RSRC1: variants seen among roughly 807,000 people sequenced by gnomAD.
RSRC1 encodes the protein arginine and serine rich coiled-coil 1.
In RSRC1, 39 loss-of-function variants were observed where a neutral mutation model predicts 49.1. The observed-to-expected ratio is 0.79, with a 90% CI of 0.61 to 1.04. The LOEUF (loss-of-function observed/expected upper bound fraction) is 1.04. Among genes scored for constraint, RSRC1 ranks in the 50% least tolerant of loss-of-function variants. The pLI is 0.00. For synonymous variants in RSRC1, 143 were observed against 130.8 expected, an observed-to-expected ratio of 1.09 and a Z score of -0.63; for missense variants, 388 against 402.4, an observed-to-expected ratio of 0.96 and a Z score of 0.31.
chr3:158,296,030 T>A (rs745433418), intron 4 of RSRC1, among the ~76,000 whole-genome samples: 4 of 152,120 alleles, frequency 2.6e-5, no homozygotes, highest in Non-Finnish European at 5.9e-5. Flanking sequence ...TTGTATGACA[T>A]ACCTTAACCT....
intron 7 of RSRC1, among the ~76,000 whole-genome samples, chr3:158,461,400 A>G (rs991563734): frequency 6.6e-6 from 1 of 151,906 alleles, no homozygotes; most frequent in Non-Finnish European, 1.5e-5. Context: ...AGTTGAGAGA[A>G]CATTGAAATT....
intron 6 of RSRC1, 21 bp from the exon 7 acceptor site, chr3:158,460,914 A>G (rs1737574857): frequency 1.9e-6 from 3 of 1,549,368 alleles, no homozygotes; most frequent in African/African-American, 2.8e-5. Flanking sequence ...AAGTACAAAA[A>G]TTGTATTGTT....
intron 4 of RSRC1, among the ~76,000 whole-genome samples, chr3:158,251,775 A>T (rs9817119): frequency 0.012 from 1,808 of 152,252 alleles, 31 homozygotes; most frequent in African/African-American, 0.042. Flanking sequence ...GGATAATTTG[A>T]CTTTTCTCAT....
At chr3:158,145,747 C>A (rs564008362) in intron 3 of RSRC1, among the ~76,000 whole-genome samples, 61 of 152,236 alleles carry the variant, frequency 4.0e-4, no homozygotes, top group African/African-American at 1.3e-3. Context: ...CACGATATTG[C>A]TTCTTCCTAT....
intron 7 of RSRC1, among the ~76,000 whole-genome samples, chr3:158,488,812 A>G (rs550113862): frequency 1.9e-4 from 29 of 152,340 alleles, no homozygotes; most frequent in Middle Eastern, 3.4e-3. Context: ...TCCTGCCTTT[A>G]TCTAATTGCT....
intron 4 of RSRC1, among the ~76,000 whole-genome samples, chr3:158,206,820 A>G (rs1721367434): frequency 6.6e-6 from 1 of 152,124 alleles, no homozygotes; most frequent in African/African-American, 2.4e-5. Context: ...AGGCTGAGGC[A>G]AGAGAATTGC....
chr3:158,146,063 T>C lies in RSRC1; in HGVS notation c.320+22072T>C, dbSNP rs535658680. 5.3e-5 allele frequency among the ~76,000 whole-genome samples: 8 copies of C among 152,338 alleles called. No homozygotes were observed. In the South Asian group the frequency reaches 1.7e-3, roughly 32 times the overall value. The stretch of plus-strand genomic sequence containing the variant: ...ATGGGGTTTTCTGGATATACAATCA[T>C]GTCATCTGCAAACAGGGAGAATTTG... On this transcript the variant is annotated intron_variant, in intron 3 of 9. Transcript: ENST00000611884.
chr3:158,366,332 A>G lies in RSRC1; in HGVS notation c.583+11424A>G, dbSNP rs575095946. On this transcript the variant is annotated intron_variant, in intron 6 of 9. Transcript: ENST00000611884. ...TTGAGTTACTTTTTGCATAAGATGT[A>G]AGGAAGGGGTCCAGTTTCAGTTTTC... is the stretch of plus-strand genomic sequence containing the variant. Among the ~76,000 whole-genome samples the G allele has an allele frequency of 5.9e-5, 9 of 152,320 alleles. No homozygotes were observed. In the South Asian group the frequency reaches 1.7e-3, roughly 28 times the overall value.
At chr3:158,544,157 T>G (rs1426721081) in intron 9 of RSRC1, 26 bp from the exon 10 acceptor site, 1 of 1,528,780 alleles carries the variant, frequency 6.5e-7, no homozygotes, top group Admixed American at 1.7e-5. Context: ...ACAGTAACAT[T>G]TTTTCTTTTT....
chr3:158,190,172 C>A (rs1720154454), intron 3 of RSRC1, among the ~76,000 whole-genome samples: 1 of 151,876 alleles, frequency 6.6e-6, no homozygotes, highest in Non-Finnish European at 1.5e-5. Flanking sequence ...TCAGAATATT[C>A]TTTTTCCTTT....
At chr3:158,386,609 T>A (rs1732979731) in intron 6 of RSRC1, among the ~76,000 whole-genome samples, 1 of 152,000 alleles carries the variant, frequency 6.6e-6, no homozygotes, top group Admixed American at 6.6e-5. Context: ...GGCCAAGCTG[T>A]TGTTTAATTT....
At chr3:158,410,936 C>A (rs1734433374) in intron 6 of RSRC1, among the ~76,000 whole-genome samples, 1 of 152,072 alleles carries the variant, frequency 6.6e-6, no homozygotes, top group Admixed American at 6.6e-5. Flanking sequence ...TAGTTCCTGT[C>A]AGAACTATCA....
At chr3:158,502,626 ATTTC>A in intron 7 of RSRC1, among the ~76,000 whole-genome samples, 1 of 152,012 alleles carries the variant, frequency 6.6e-6, no homozygotes, top group Admixed American at 6.5e-5. Flanking sequence ...TGAGCTCTGA[ATTTC>A]TTTCTTCTCC....
At chr3:158,240,236 C>G (rs1235995194) in intron 4 of RSRC1, among the ~76,000 whole-genome samples, 1 of 152,038 alleles carries the variant, frequency 6.6e-6, no homozygotes, top group Non-Finnish European at 1.5e-5. Flanking sequence ...GGGAATTCTG[C>G]TAATATTTTA....
chr3:158,301,991 G>GT (rs35843326), intron 5 of RSRC1, among the ~76,000 whole-genome samples: 23,047 of 142,514 alleles, frequency 0.16, 2,015 homozygotes, highest in South Asian at 0.25. Flanking sequence ...GGGTTTTTTT[G>GT]TTTTTTTTTT....
intron 3 of RSRC1, among the ~76,000 whole-genome samples, chr3:158,162,042 T>C (rs1718260977): frequency 6.6e-6 from 1 of 152,128 alleles, no homozygotes; most frequent in African/African-American, 2.4e-5. Context: ...TAGGGAGTAA[T>C]GAAATAACCA....
At chr3:158,390,042 A>C (rs1164453813) in intron 6 of RSRC1, among the ~76,000 whole-genome samples, 2 of 152,172 alleles carry the variant, frequency 1.3e-5, no homozygotes, top group East Asian at 3.8e-4. Flanking sequence ...AACAGATTTG[A>C]GTAGCAATCT....
At chr3:158,420,142 C>T (rs1249529989) in intron 6 of RSRC1, among the ~76,000 whole-genome samples, 1 of 151,958 alleles carries the variant, frequency 6.6e-6, no homozygotes, top group Non-Finnish European at 1.5e-5. Context: ...GGTGTGCTCA[C>T]AGGGTAGCAC....
At chr3:158,482,307 T>C (rs898523422) in intron 7 of RSRC1, among the ~76,000 whole-genome samples, 13 of 152,094 alleles carry the variant, frequency 8.5e-5, no homozygotes, top group African/African-American at 3.1e-4. Flanking sequence ...AATCAAAATG[T>C]ATTTGCATTT....
Sources: allele counts gnomAD v4.1 joint callset (sites outside exome capture counted in the v4.1 genomes callset), GRCh38; gene constraint gnomAD v4.1.1; transcripts MANE v1.5; gene names NCBI Gene and HGNC (gene_info 2026-07-23, HGNC 2026-07-21).